SCN2A: variants seen among roughly 807,000 people sequenced by gnomAD.
SCN2A encodes sodium channel protein type 2 subunit alpha.
A neutral mutation model predicts 188.7 loss-of-function variants in SCN2A; 20 were observed. That is an observed-to-expected ratio of 0.11 (90% CI 0.07 to 0.15). SCN2A has a LOEUF of 0.15. SCN2A is among the 10% of genes least tolerant of loss of function. The pLI is 1.00. For missense variants in SCN2A, 1,278 were observed against 2,445.0 expected, an observed-to-expected ratio of 0.52 and a Z score of 10.07; for synonymous variants, 804 against 833.1, an observed-to-expected ratio of 0.97 and a Z score of 0.60.
In SCN2A at chr2:165,380,070, C is replaced by G. The variant is rs75682759; in HGVS notation, c.4309-522C>G. On this transcript the variant is annotated intron_variant, in intron 23 of 26. Transcript: ENST00000375437. ...TGCCTATCTAAAGAAATGTATTATA[C>G]CAAACCCTTACACTTAGCAATTACT... 2.1e-3 allele frequency among the ~76,000 whole-genome samples: 320 copies of G among 151,880 alleles called. 1 individual carries two copies. The highest frequency in any genetic ancestry group is 3.4e-3 in the Middle Eastern group (1 of 294).
chr2:165,354,033 T>C (rs1038075365), intron 16 of SCN2A, among the ~76,000 whole-genome samples, 159 bp from the exon 17 acceptor site: 4 of 152,252 alleles, frequency 2.6e-5, no homozygotes, highest in African/African-American at 9.6e-5. Flanking sequence ...CCAAGCATTT[T>C]TATTTCATTC....
chr2:165,321,866 G>C (rs1367121881), intron 11 of SCN2A, among the ~76,000 whole-genome samples: 1 of 152,146 alleles, frequency 6.6e-6, no homozygotes, highest in African/African-American at 2.4e-5. Flanking sequence ...ATATTAGTAG[G>C]TATAAAATAA....
intron 18 of SCN2A, 119 bp downstream of exon 18, chr2:165,365,382 T>G: frequency 9.8e-7 from 1 of 1,025,260 alleles, no homozygotes; most frequent in Non-Finnish European, 1.5e-6. Flanking sequence ...TGTATCTATC[T>G]ATCTATCTAT....
intron 1 of SCN2A, among the ~76,000 whole-genome samples, chr2:165,292,691 C>G (rs1053890576): frequency 6.6e-6 from 1 of 152,092 alleles, no homozygotes; most frequent in Non-Finnish European, 1.5e-5. Context: ...ATAATTGATA[C>G]CGGTGCCTGT....
intron 1 of SCN2A, among the ~76,000 whole-genome samples, chr2:165,257,867 T>C (rs923273200): frequency 6.6e-6 from 1 of 152,210 alleles, no homozygotes; most frequent in Non-Finnish European, 1.5e-5. Flanking sequence ...CATTCTCTAA[T>C]GATCAGTGAT....
intron 1 of SCN2A, among the ~76,000 whole-genome samples, chr2:165,276,402 T>A (rs200794472): frequency 7.9e-5 from 12 of 151,980 alleles, no homozygotes; most frequent in South Asian, 2.1e-4. Flanking sequence ...AATTTTAATT[T>A]AAAAAAAATG....
At chr2:165,371,870 C>T (rs1701049430) in intron 20 of SCN2A, 1 of 152,094 alleles carries the variant, frequency 6.6e-6, no homozygotes. Flanking sequence ...GATCAAAACA[C>T]CAATTAGGAG....
intron 13 of SCN2A, among the ~76,000 whole-genome samples, chr2:165,330,006 A>G (rs547934518): frequency 6.6e-6 from 1 of 152,224 alleles, no homozygotes; most frequent in African/African-American, 2.4e-5. Flanking sequence ...ACTTAGGAAA[A>G]TAGTATTATA....
chr2:165,381,831 T>C (rs985735409), intron 25 of SCN2A, among the ~76,000 whole-genome samples: 1 of 152,008 alleles, frequency 6.6e-6, no homozygotes, highest in South Asian at 2.1e-4. Context: ...GCCAGGAGAA[T>C]CGCTAAGTTT....
At chr2:165,377,780 T>G (rs1701389035) in intron 23 of SCN2A, 130 bp downstream of exon 23, 1 of 645,996 alleles carries the variant, frequency 1.5e-6, no homozygotes, top group South Asian at 2.4e-5. Context: ...ATTATAAGGA[T>G]AAAATATTTA....
At chr2:165,349,294 T>C (rs1239919723) in intron 16 of SCN2A, among the ~76,000 whole-genome samples, 5 of 152,238 alleles carry the variant, frequency 3.3e-5, no homozygotes, top group Non-Finnish European at 5.9e-5. Flanking sequence ...GAATTTAATT[T>C]ATGAAAAGGC....
intron 17 of SCN2A, among the ~76,000 whole-genome samples, chr2:165,356,329 G>A (rs1285326716): frequency 6.6e-6 from 1 of 152,130 alleles, no homozygotes; most frequent in Non-Finnish European, 1.5e-5. Context: ...TTTGAAAGTT[G>A]AATAATATCT....
At position 165,323,320 on chromosome 2, in the gene SCN2A, C is replaced by T. The variant is rs747402663; in HGVS notation, c.1836C>T (p.Phe612=). The T allele has an allele frequency of 9.9e-6, 16 of 1,614,054 alleles. No individual in the cohort carries two copies. Among genetic ancestry groups the T allele is most frequent in the Admixed American group, 8.3e-5 (5 of 59,998 alleles). ...EDNDSRRDSL[F]VPHRHGERRH... is the part of the protein sequence containing the mutation. ...ATGACAGCCGAAGAGACTCTCTGTT[C>T]GTGCCGCACAGACATGGAGAACGGC... Residue 612 remains phenylalanine, a synonymous_variant, in exon 12 of 27, where the codon TTC becomes TTT. Coordinates refer to ENST00000375437, the MANE Select transcript of SCN2A (RefSeq NM_001040142.2).
At chr2:165,367,163 T>C (rs888623999) in intron 18 of SCN2A, 54 bp from the exon 19 acceptor site, 36 of 1,559,536 alleles carry the variant, frequency 2.3e-5, no homozygotes, top group Non-Finnish European at 3.1e-5. Flanking sequence ...CCAACACAAA[T>C]ATACCTAATC....
chr2:165,380,192 A>G (rs1283528110), intron 23 of SCN2A, among the ~76,000 whole-genome samples: 3 of 151,878 alleles, frequency 2.0e-5, no homozygotes, highest in African/African-American at 7.2e-5. Context: ...CATCTCACAG[A>G]TGAGAAAACT....
chr2:165,301,446 A>G (rs1006416238), intron 3 of SCN2A, among the ~76,000 whole-genome samples: 7 of 152,188 alleles, frequency 4.6e-5, no homozygotes, highest in Non-Finnish European at 1.0e-4. Context: ...TGGAAAACAT[A>G]GGTTTTGGTA....
chr2:165,317,550 T>C (rs985138569), intron 11 of SCN2A, among the ~76,000 whole-genome samples: 5 of 152,152 alleles, frequency 3.3e-5, no homozygotes, highest in African/African-American at 9.6e-5. Flanking sequence ...ATCAAACACT[T>C]ACCACAGAGA....
chr2:165,259,204 A>G (rs1179732478), intron 1 of SCN2A, among the ~76,000 whole-genome samples: 2 of 152,242 alleles, frequency 1.3e-5, no homozygotes, highest in African/African-American at 4.8e-5. Context: ...TACAAATGCA[A>G]ATAATCATCT....
In SCN2A at chr2:165,374,888, C is replaced by T; in HGVS notation, c.4176C>T (p.Ser1392=). 1 of 1,613,368 alleles carries T rather than the reference C, an allele frequency of 6.2e-7. No individual in the cohort carries two copies. Among genetic ancestry groups the T allele is most frequent in the South Asian group, 1.1e-5 (1 of 91,052 alleles). Residue 1392 remains serine, a synonymous_variant, in exon 22 of 27, where the codon AGC becomes AGT. Coordinates refer to ENST00000375437, the MANE Select transcript of SCN2A (RefSeq NM_001040142.2). ...NYSECKALIE[S]NQTARWKNVK... Reference sequence around the variant, plus strand: ...GTGAGTGCAAAGCTCTCATTGAGAGCAATCAAACTGCCAGGTGGAAAAATG... The same window carrying T: ...GTGAGTGCAAAGCTCTCATTGAGAGTAATCAAACTGCCAGGTGGAAAAATG...
Sources: gnomAD v4.1 joint callset for allele counts (sites outside exome capture counted in the v4.1 genomes callset) on GRCh38, gnomAD v4.1.1 for gene constraint, MANE v1.5 for transcripts, NCBI Gene and HGNC (gene_info 2026-07-23, HGNC 2026-07-21) for gene names.